The following PTPRD variants were observed in gnomAD, a reference collection of about 807,000 sequenced individuals.
The protein encoded by PTPRD is protein tyrosine phosphatase receptor type D, also known as receptor-type tyrosine-protein phosphatase delta.
Under a neutral mutation model 214.5 loss-of-function variants are expected in PTPRD, and 34 were observed. The observed-to-expected ratio is 0.16, with a 90% CI of 0.12 to 0.21. The LOEUF is 0.21. Among genes scored for constraint, PTPRD ranks in the 10% least tolerant of loss-of-function variants. The pLI, the probability that PTPRD is intolerant of heterozygous loss-of-function variation, is 1.00. For synonymous variants in PTPRD, 1,128 were observed against 845.7 expected (o/e 1.33, Z -5.79); for missense variants, 2,545 against 2,398.7 (o/e 1.06, Z -1.27).
intron 7 of PTPRD, among the ~76,000 whole-genome samples, chr9:9,700,416 A>G (rs1162665578): frequency 6.6e-6 from 1 of 152,104 alleles, no homozygotes; most frequent in East Asian, 1.9e-4. Context: ...GTAATATGGT[A>G]ATTTTATTAC....
intron 2 of PTPRD, among the ~76,000 whole-genome samples, chr9:10,427,497 C>T (rs2098633064): frequency 6.6e-6 from 1 of 152,070 alleles, no homozygotes; most frequent in Admixed American, 6.6e-5. Context: ...GTAAGCATTA[C>T]TCCAGATGGC....
At chr9:10,122,412 T>C (rs775294869) in intron 3 of PTPRD, among the ~76,000 whole-genome samples, 2 of 152,154 alleles carry the variant, frequency 1.3e-5, no homozygotes, top group Non-Finnish European at 2.9e-5. Flanking sequence ...TTATTTCAAA[T>C]AGATCTAGAA....
chr9:9,281,153 T>A (rs1300047513), intron 9 of PTPRD, among the ~76,000 whole-genome samples: 1 of 151,202 alleles, frequency 6.6e-6, no homozygotes. Flanking sequence ...AACTGTATAA[T>A]GAGTAGAAAA....
At chr9:10,524,922 G>A (rs1251463591) in intron 2 of PTPRD, among the ~76,000 whole-genome samples, 2 of 150,348 alleles carry the variant, frequency 1.3e-5, no homozygotes, top group Non-Finnish European at 3.0e-5. Context: ...AAAATATGAT[G>A]CTAAAAAAAA....
At chr9:10,456,824 G>A (rs1400490996) in intron 2 of PTPRD, among the ~76,000 whole-genome samples, 3 of 151,874 alleles carry the variant, frequency 2.0e-5, no homozygotes, top group South Asian at 4.1e-4. Flanking sequence ...TCTGTATCTA[G>A]GACTTTCTTT....
intron 8 of PTPRD, chr9:9,442,018 C>G (rs2088104959): frequency 6.6e-6 from 1 of 152,218 alleles, no homozygotes; most frequent in African/African-American, 2.4e-5. Flanking sequence ...AGCTTGAAAA[C>G]AAAAATCTGT....
intron 2 of PTPRD, among the ~76,000 whole-genome samples, chr9:10,509,964 C>G (rs1326820752): frequency 1.3e-5 from 2 of 151,970 alleles, no homozygotes; most frequent in Non-Finnish European, 2.9e-5. Flanking sequence ...ATTCCTATTT[C>G]CTTATTGGTA....
chr9:9,119,964 C>T (rs1273615538), intron 10 of PTPRD, among the ~76,000 whole-genome samples: 1 of 152,068 alleles, frequency 6.6e-6, no homozygotes, highest in African/African-American at 2.4e-5. Flanking sequence ...TTCTCATGCA[C>T]TCCATACATT....
chr9:8,389,718 C>T (rs2088745305), intron 36 of PTPRD, among the ~76,000 whole-genome samples: 1 of 151,980 alleles, frequency 6.6e-6, no homozygotes, highest in African/African-American at 2.4e-5. Context: ...AAATAGTTTC[C>T]AAAGAACAAT....
intron 2 of PTPRD, among the ~76,000 whole-genome samples, chr9:10,498,114 G>A (rs2042633670): frequency 6.6e-6 from 1 of 151,936 alleles, no homozygotes; most frequent in South Asian, 2.1e-4. Flanking sequence ...TTAACATTCA[G>A]CTCTTCCATG....
intron 3 of PTPRD, among the ~76,000 whole-genome samples, chr9:10,125,287 C>A (rs2098807207): frequency 6.6e-6 from 1 of 152,080 alleles, no homozygotes; most frequent in South Asian, 2.1e-4. Flanking sequence ...ATACTCCCTT[C>A]TACTTACATG....
chr9:9,215,150 G>A (rs1393638994), intron 9 of PTPRD, among the ~76,000 whole-genome samples: 1 of 152,140 alleles, frequency 6.6e-6, no homozygotes, highest in Non-Finnish European at 1.5e-5. Flanking sequence ...TGGTCCATGT[G>A]CATTTGTGAA....
chr9:8,346,240 G>A (rs1289870955), intron 39 of PTPRD, among the ~76,000 whole-genome samples: 1 of 151,964 alleles, frequency 6.6e-6, no homozygotes, highest in Non-Finnish European at 1.5e-5. Context: ...CCCATCAGTG[G>A]TGTGCTAGAG....
intron 2 of PTPRD, among the ~76,000 whole-genome samples, chr9:10,496,214 C>T (rs993290202): frequency 5.3e-5 from 8 of 151,666 alleles, no homozygotes; most frequent in Admixed American, 1.3e-4. Flanking sequence ...TTGTTATCTT[C>T]GAATTTTTGT....
intron 9 of PTPRD, among the ~76,000 whole-genome samples, chr9:9,326,582 AAAG>A (rs2040012624): frequency 6.6e-6 from 1 of 152,170 alleles, no homozygotes; most frequent in Admixed American, 6.6e-5. Context: ...AGAAAAATGA[AAAG>A]AATATAAATT....
At chr9:9,434,810 G>A (rs1173308491) in intron 8 of PTPRD, among the ~76,000 whole-genome samples, 2 of 149,934 alleles carry the variant, frequency 1.3e-5, no homozygotes, top group Non-Finnish European at 3.0e-5. Context: ...GACATTCATT[G>A]TTGTTACTCA....
intron 11 of PTPRD, among the ~76,000 whole-genome samples, chr9:8,927,022 T>C (rs1005343336): frequency 6.6e-6 from 1 of 152,116 alleles, no homozygotes; most frequent in Non-Finnish European, 1.5e-5. Context: ...TGCAACCTTT[T>C]GACAGAGGAG....
intron 12 of PTPRD, among the ~76,000 whole-genome samples, chr9:8,695,403 C>T (rs1434377544): frequency 6.6e-6 from 1 of 151,722 alleles, no homozygotes; most frequent in African/African-American, 2.4e-5. Flanking sequence ...CGCACCCCCA[C>T]CCACTGGCAT....
At chr9:8,851,813 AGAT>A (rs1273627990) in intron 11 of PTPRD, among the ~76,000 whole-genome samples, 1 of 152,122 alleles carries the variant, frequency 6.6e-6, no homozygotes, top group African/African-American at 2.4e-5. Context: ...GAGAGCTCAC[AGAT>A]AATAAGTGGC....
Sources: allele counts gnomAD v4.1 joint callset (sites outside exome capture counted in the v4.1 genomes callset), GRCh38; gene constraint gnomAD v4.1.1; transcripts MANE v1.5; gene names NCBI Gene and HGNC (gene_info 2026-07-23, HGNC 2026-07-21).